Variants in RHOBTB1 observed in about 807,000 individuals in gnomAD.
The protein encoded by RHOBTB1 is Rho related BTB domain containing 1, also known as rho-related BTB domain-containing protein 1.
A neutral mutation model predicts 71.6 loss-of-function variants in RHOBTB1; 40 were observed. That is an observed-to-expected ratio of 0.56 (90% CI 0.43 to 0.73). The LOEUF is 0.73. Among genes scored for constraint, RHOBTB1 ranks in the 30% least tolerant of loss-of-function variants. The pLI, the probability that RHOBTB1 is intolerant of heterozygous loss-of-function variation, is 0.00. For synonymous variants in RHOBTB1, 319 were observed against 334.9 expected, an observed-to-expected ratio of 0.95 and a Z score of 0.52; for missense variants, 797 against 894.0, an observed-to-expected ratio of 0.89 and a Z score of 1.38.
At chr10:60,886,032 G>A in intron 7 of RHOBTB1, 80 bp downstream of exon 7, 1 of 1,007,584 alleles carries the variant, frequency 9.9e-7, no homozygotes, top group Non-Finnish European at 1.6e-6. Context: ...AAGTCATCTG[G>A]CTGTTTACCC....
chr10:60,935,246 G>A lies in RHOBTB1; in HGVS notation c.-11+6558C>T, dbSNP rs2084511120. Among the ~76,000 whole-genome samples the A allele has an allele frequency of 2.0e-5, 3 of 152,148 alleles. No individual in the cohort carries two copies. The South Asian group carries it at 6.2e-4, about 32-fold the overall frequency. On this transcript the variant is annotated intron_variant, in intron 2 of 10. Coordinates refer to ENST00000337910, the MANE Select transcript of RHOBTB1 (RefSeq NM_014836.5). ...AGGCACAAAAGAATACATAGGATATGATTTCATTTATATAAAGTCCAAAAG... is the reference window on the plus strand; with the variant it reads ...AGGCACAAAAGAATACATAGGATATAATTTCATTTATATAAAGTCCAAAAG...
chr10:60,904,918 C>T (rs775824089), intron 4 of RHOBTB1, among the ~76,000 whole-genome samples: 2 of 152,188 alleles, frequency 1.3e-5, no homozygotes, highest in Non-Finnish European at 2.9e-5. Context: ...CTTTAAGACA[C>T]AACCAGTAAT....
intron 4 of RHOBTB1, among the ~76,000 whole-genome samples, chr10:60,895,320 C>CT (rs993634731): frequency 2.6e-5 from 4 of 152,190 alleles, no homozygotes; most frequent in South Asian, 4.2e-4. Flanking sequence ...AAAAGGTCTT[C>CT]TTTTTTTTCA....
At chr10:60,963,397 G>A (rs981701530) in intron 2 of RHOBTB1, among the ~76,000 whole-genome samples, 2 of 152,134 alleles carry the variant, frequency 1.3e-5, no homozygotes, top group Non-Finnish European at 2.9e-5. Context: ...AAATTCTCAG[G>A]TATTAGAAGA....
chr10:60,921,916 G>A (rs1174818873), intron 2 of RHOBTB1, among the ~76,000 whole-genome samples: 1 of 152,150 alleles, frequency 6.6e-6, no homozygotes, highest in African/African-American at 2.4e-5. Flanking sequence ...GTAACCATGG[G>A]AGCCACCAGA....
intron 2 of RHOBTB1, among the ~76,000 whole-genome samples, chr10:60,920,280 G>A (rs999953402): frequency 2.6e-5 from 4 of 152,058 alleles, no homozygotes; most frequent in African/African-American, 9.7e-5. Flanking sequence ...TAAACAGGTA[G>A]ACAAATACAT....
the RHOBTB1 span, among the ~76,000 whole-genome samples, chr10:60,862,756 C>T: frequency 1.4e-5 from 2 of 139,174 alleles, no homozygotes; most frequent in African/African-American, 5.4e-5. Context: ...CCTTTCCTTC[C>T]TTCCTTCTTT....
intron 4 of RHOBTB1, among the ~76,000 whole-genome samples, chr10:60,904,265 A>C (rs1564888449): frequency 6.6e-6 from 1 of 152,172 alleles, no homozygotes; most frequent in Non-Finnish European, 1.5e-5. Flanking sequence ...GTCTTAAAGA[A>C]TTTTTATTGA....
intron 2 of RHOBTB1, among the ~76,000 whole-genome samples, chr10:60,970,333 C>T (rs1288656089): frequency 6.6e-6 from 1 of 152,072 alleles, no homozygotes; most frequent in Non-Finnish European, 1.5e-5. Context: ...CATAACTAAA[C>T]CCTGCTCTCT....
At chr10:60,981,644 G>C (rs2086499181) in intron 2 of RHOBTB1, among the ~76,000 whole-genome samples, 1 of 152,038 alleles carries the variant, frequency 6.6e-6, no homozygotes, top group African/African-American at 2.4e-5. Flanking sequence ...ATATTAATCA[G>C]ACCATATTTC....
At chr10:60,987,792 A>T (rs570608609) in intron 1 of RHOBTB1, among the ~76,000 whole-genome samples, 73 of 151,782 alleles carry the variant, frequency 4.8e-4, no homozygotes, top group African/African-American at 1.7e-3. Context: ...TTTCCACATA[A>T]CCTTTGCAGA....
intron 7 of RHOBTB1, among the ~76,000 whole-genome samples, chr10:60,885,513 C>A (rs1298084738): frequency 6.6e-6 from 1 of 152,116 alleles, no homozygotes; most frequent in East Asian, 1.9e-4. Context: ...AGTTAACAAA[C>A]CCTCATATCC....
chr10:60,875,139 GA>G, intron 8 of RHOBTB1, 97 bp from the exon 9 acceptor site: 4 of 818,194 alleles, frequency 4.9e-6, no homozygotes, highest in Non-Finnish European at 6.4e-6. Flanking sequence ...AAGAAGGGAG[GA>G]AATGTGGGAC....
At chr10:60,864,574 A>G (rs1381874585), downstream of RHOBTB1, among the ~76,000 whole-genome samples, 1 of 152,190 alleles carries the variant, frequency 6.6e-6, no homozygotes, top group African/African-American at 2.4e-5. Context: ...GCGGAATAGC[A>G]TTTGCTGAGG....
At chr10:60,971,295 T>C (rs966499892) in intron 2 of RHOBTB1, among the ~76,000 whole-genome samples, 24 of 151,944 alleles carry the variant, frequency 1.6e-4, no homozygotes, top group African/African-American at 5.3e-4. Flanking sequence ...CTTCAAACCA[T>C]ACTACAAGGC....
intron 2 of RHOBTB1, among the ~76,000 whole-genome samples, chr10:60,972,947 C>A (rs886167456): frequency 6.6e-6 from 1 of 151,848 alleles, no homozygotes; most frequent in African/African-American, 2.4e-5. Flanking sequence ...AGTGCAGTGT[C>A]GAAAGCAAGA....
In RHOBTB1 at chr10:60,928,077, A is replaced by G. The variant is rs569414876; in HGVS notation, c.-11+13727T>C. ...GCCAACACATATGAAAAAATGCTCAACATCATTCGTCATCAGAGAAATGCA... is the reference window on the plus strand; with the variant it reads ...GCCAACACATATGAAAAAATGCTCAGCATCATTCGTCATCAGAGAAATGCA... On this transcript the variant is annotated intron_variant, in intron 2 of 10. Transcript: ENST00000337910. Among the ~76,000 whole-genome samples, 6 of 152,230 alleles carry G rather than the reference A, an allele frequency of 3.9e-5. No individual in the cohort carries two copies. The South Asian group carries it at 1.2e-3, about 32-fold the overall frequency.
At chr10:60,962,852 C>T (rs576696787) in intron 2 of RHOBTB1, among the ~76,000 whole-genome samples, 4 of 152,134 alleles carry the variant, frequency 2.6e-5, no homozygotes, top group Non-Finnish European at 4.4e-5. Flanking sequence ...ACTGACAATA[C>T]TGTGATTTTA....
chr10:60,868,270 ATCTG>A (rs1424425704), downstream of RHOBTB1, among the ~76,000 whole-genome samples: 7 of 152,164 alleles, frequency 4.6e-5, no homozygotes, highest in African/African-American at 9.7e-5. Flanking sequence ...TCATCTATCT[ATCTG>A]TCTATCTTCT....
Sources: gnomAD v4.1 joint callset for allele counts (sites outside exome capture counted in the v4.1 genomes callset) on GRCh38, gnomAD v4.1.1 for gene constraint, MANE v1.5 for transcripts, NCBI Gene and HGNC (gene_info 2026-07-23, HGNC 2026-07-21) for gene names.